Variants in CCDC144A observed in about 807,000 individuals in gnomAD.
CCDC144A encodes coiled-coil domain-containing protein 144A.
In CCDC144A, 41 loss-of-function variants were observed where a neutral mutation model predicts 143.8. The ratio of observed to expected loss-of-function variants is 0.29; its 90% CI spans 0.22 to 0.37. The LOEUF is 0.37. Among genes scored for constraint, CCDC144A ranks in the 10% least tolerant of loss-of-function variants. The probability of loss-of-function intolerance (pLI) is 1.00; values close to 1 mark genes in which losing one functional copy is unlikely to be tolerated. For synonymous variants in CCDC144A, 242 were observed against 517.9 expected (o/e 0.47, Z 7.23); for missense variants, 637 against 1,488.8 (o/e 0.43, Z 9.41).
At chr17:16,745,587 G>A in intron 12 of CCDC144A, 1 of 1,534,978 alleles carries the variant, frequency 6.5e-7, no homozygotes, top group Non-Finnish European at 8.8e-7. Context: ...ACACGTTTCT[G>A]GGATGCCCTC....
chr17:16,760,470 TA>T (rs1336832557), intron 12 of CCDC144A, among the ~76,000 whole-genome samples: 1 of 136,908 alleles, frequency 7.3e-6, no homozygotes, highest in Non-Finnish European at 1.5e-5. Flanking sequence ...GCTACTGAAT[TA>T]AGGCATTTTT....
At chr17:16,762,208 TA>T in intron 13 of CCDC144A, 104 bp from the exon 14 acceptor site, 1 of 1,508,696 alleles carries the variant, frequency 6.6e-7, no homozygotes, top group Non-Finnish European at 8.9e-7. Flanking sequence ...ATCACGTACT[TA>T]AAATTGTTCT....
intron 6 of CCDC144A, among the ~76,000 whole-genome samples, chr17:16,717,195 A>T (rs1297520422): frequency 6.8e-6 from 1 of 148,100 alleles, no homozygotes; most frequent in Non-Finnish European, 1.5e-5. Flanking sequence ...GCTCTCTGCA[A>T]CCTCCAGCTC....
At chr17:16,768,550 G>A (rs1915700707) in intron 15 of CCDC144A, among the ~76,000 whole-genome samples, 2 of 152,222 alleles carry the variant, frequency 1.3e-5, no homozygotes, top group Non-Finnish European at 2.9e-5. Context: ...CACCATTGTA[G>A]TGATAATAGA....
intron 2 of CCDC144A, among the ~76,000 whole-genome samples, chr17:16,693,561 C>A (rs1259918327): frequency 6.6e-6 from 1 of 152,122 alleles, no homozygotes; most frequent in Non-Finnish European, 1.5e-5. Context: ...ATGATCCATC[C>A]GCCTCGGCCT....
chr17:16,676,511 CAAA>C, the CCDC144A span, among the ~76,000 whole-genome samples: 2 of 80,052 alleles, frequency 2.5e-5, no homozygotes, highest in Non-Finnish European at 2.8e-5. Context: ...ACTCCGTCTC[CAAA>C]AAAAAAAAAA....
chr17:16,683,502 G>C, the CCDC144A span: 1 of 1,494,270 alleles, frequency 6.7e-7, no homozygotes, highest in African/African-American at 1.4e-5. Context: ...CCGCTCTCGC[G>C]GGTTCGGGAT....
intron 8 of CCDC144A, among the ~76,000 whole-genome samples, chr17:16,722,725 T>G (rs1274634229): frequency 6.6e-6 from 1 of 152,224 alleles, no homozygotes; most frequent in African/African-American, 2.4e-5. Flanking sequence ...CTTTTTTTAC[T>G]GTGTCTATGG....
At chr17:16,759,342 A>T (rs1351496935) in intron 12 of CCDC144A, among the ~76,000 whole-genome samples, 1 of 152,228 alleles carries the variant, frequency 6.6e-6, no homozygotes, top group Non-Finnish European at 1.5e-5. Context: ...TACACATATC[A>T]TGTCATTACT....
chr17:16,726,232 T>A (rs1177541377), intron 8 of CCDC144A, among the ~76,000 whole-genome samples: 1 of 149,980 alleles, frequency 6.7e-6, no homozygotes, highest in Non-Finnish European at 1.5e-5. Flanking sequence ...CAAAAAAAAA[T>A]TAGCCGGGCG....
intron 15 of CCDC144A, among the ~76,000 whole-genome samples, chr17:16,770,654 T>C (rs1475102550): frequency 6.6e-6 from 1 of 152,108 alleles, no homozygotes; most frequent in African/African-American, 2.4e-5. Flanking sequence ...GTGACATTCA[T>C]ACGTTTAAGT....
In CCDC144A at chr17:16,691,265, G is replaced by A. The variant is rs866638972; in HGVS notation, c.344+521G>A. On this transcript the variant is annotated intron_variant, in intron 1 of 16. Transcript: ENST00000399273. The stretch of plus-strand genomic sequence containing the variant: ...GCCCTCGGGGTTCAGTTCAAATAAT[G>A]TTGCAGAAAGAGAGGAGTTTCCTTT... 3.7e-4 allele frequency among the ~76,000 whole-genome samples: 56 copies of A among 152,254 alleles called. 1 individual carries two copies. The highest frequency in any genetic ancestry group is 2.7e-3 in the South Asian group (13 of 4,816).
Position 16,762,549 on chromosome 17 carries a change from G to C in CCDC144A, c.3887+16G>C. 1 of 1,541,976 alleles carries C rather than the reference G, an allele frequency of 6.5e-7. No individual in the cohort carries two copies. The highest frequency in any genetic ancestry group is 2.4e-5 in the East Asian group (1 of 40,834). On this transcript the variant is annotated intron_variant, in intron 14 of 16. Transcript: ENST00000399273. ...AACTCAGTAGGTAAGTCAATATGCA[G>C]AATCATAGAAAATAAGTTAAGCTCA...
In CCDC144A at chr17:16,709,413, A is replaced by G; in HGVS notation, c.1356A>G (p.Lys452=). Reference sequence around the variant, plus strand: ...AAGAGTTTGATTTGCAAATGACAAAAAATATGAACCAAAATAGTGACAGTG... The same window carrying G: ...AAGAGTTTGATTTGCAAATGACAAAGAATATGAACCAAAATAGTGACAGTG... The part of the protein sequence containing the change: ...EDQEFDLQMT[K]NMNQNSDSGS... Residue 452 remains lysine (K), a synonymous_variant, in exon 5 of 17, where the codon AAA becomes AAG. Coordinates refer to ENST00000399273, the MANE Select transcript of CCDC144A (RefSeq NM_001382000.1). 6.2e-7 allele frequency: 1 copy of G among 1,611,692 alleles called. No individual in the cohort carries two copies. Among genetic ancestry groups the G allele is most frequent in the Non-Finnish European group, 8.5e-7 (1 of 1,179,644 alleles).
chr17:16,705,471 TA>T lies in CCDC144A; in HGVS notation c.664+79del. The T allele has an allele frequency of 9.8e-6, 6 of 613,380 alleles. No homozygotes were observed. In the South Asian group the frequency reaches 9.9e-5, roughly 10 times the overall value. 38.0% of individuals were successfully genotyped at this position (613,380 alleles called of 1,614,324 possible). On this transcript the variant is annotated intron_variant, in intron 3 of 16. Transcript: ENST00000399273. ...GCTGCATAGAGCTATAGTTCTGACT[TA>T]AAAAAACTTTTTCTGGTAAAATGTG... is the stretch of plus-strand genomic sequence containing the variant.
intron 5 of CCDC144A, among the ~76,000 whole-genome samples, chr17:16,709,876 C>CCATAT (rs1172201624): frequency 6.6e-6 from 1 of 152,188 alleles, no homozygotes; most frequent in African/African-American, 2.4e-5. Context: ...TTGTGAAACT[C>CCATAT]ATTTAGCCAT....
At chr17:16,672,498 A>T in the CCDC144A span, among the ~76,000 whole-genome samples, 1 of 152,140 alleles carries the variant, frequency 6.6e-6, no homozygotes, top group Admixed American at 6.6e-5. Flanking sequence ...AATTTCTATA[A>T]TGAAATGTTT....
At chr17:16,719,592 A>T (rs1046029187) in intron 6 of CCDC144A, among the ~76,000 whole-genome samples, 1 of 152,184 alleles carries the variant, frequency 6.6e-6, no homozygotes, top group African/African-American at 2.4e-5. Flanking sequence ...GGCTGAGGAC[A>T]GTCACTTGGC....
At chr17:16,710,289 G>T (rs1912327280) in intron 5 of CCDC144A, 1 of 154,162 alleles carries the variant, frequency 6.5e-6, no homozygotes, top group African/African-American at 2.4e-5. Flanking sequence ...CTCCTGTGCT[G>T]ATCAGTAGTG....
Sources: allele counts gnomAD v4.1 joint callset (sites outside exome capture counted in the v4.1 genomes callset), GRCh38; gene constraint gnomAD v4.1.1; transcripts MANE v1.5; gene names NCBI Gene and HGNC (gene_info 2026-07-23, HGNC 2026-07-21).